Variants in LRRC7 observed in about 807,000 individuals in gnomAD.
The protein encoded by LRRC7 is leucine-rich repeat-containing protein 7.
Under a neutral mutation model 175.7 loss-of-function variants are expected in LRRC7, and 23 were observed. That is an observed-to-expected ratio of 0.13 (90% CI 0.09 to 0.19). The LOEUF (loss-of-function observed/expected upper bound fraction) is 0.19, where lower values mean the gene tolerates loss of function less well. LRRC7 is among the 10% of genes least tolerant of loss of function. LRRC7 has a pLI of 1.00. For missense variants in LRRC7, 1,354 were observed against 1,904.7 expected (o/e 0.71, Z 5.38); for synonymous variants, 685 against 680.9 (o/e 1.01, Z -0.09).
chr1:69,614,033 G>C (rs540912924), intron 1 of LRRC7, among the ~76,000 whole-genome samples: 11 of 149,728 alleles, frequency 7.3e-5, no homozygotes, highest in Admixed American at 2.6e-4. Context: ...TAAAGTTTCA[G>C]ACATTTGAAA....
chr1:69,918,579 T>G (rs1284239334), intron 7 of LRRC7, among the ~76,000 whole-genome samples: 1 of 152,094 alleles, frequency 6.6e-6, no homozygotes, highest in Non-Finnish European at 1.5e-5. Flanking sequence ...TAAAATCTTG[T>G]GGGTAAGTGA....
At chr1:69,891,957 C>G (rs1171260053) in intron 7 of LRRC7, among the ~76,000 whole-genome samples, 2 of 140,682 alleles carry the variant, frequency 1.4e-5, no homozygotes, top group African/African-American at 5.0e-5. Context: ...ATGACACGTG[C>G]CTGTATTCTC....
intron 4 of LRRC7, among the ~76,000 whole-genome samples, chr1:69,820,231 T>A (rs1045552271): frequency 6.6e-6 from 1 of 152,112 alleles, no homozygotes; most frequent in African/African-American, 2.4e-5. Flanking sequence ...GGCTACATTA[T>A]AACATAGGCT....
intron 7 of LRRC7, among the ~76,000 whole-genome samples, chr1:69,907,279 C>T (rs147956992): frequency 0.36 from 54,479 of 151,664 alleles, 11,923 homozygotes; most frequent in East Asian, 0.55. Flanking sequence ...TTGCCCTGGC[C>T]AGAATTTCCA....
intron 9 of LRRC7, 135 bp downstream of exon 9, chr1:69,980,588 C>G (rs1232967907): frequency 1.5e-6 from 1 of 646,946 alleles, no homozygotes; most frequent in Non-Finnish European, 2.5e-6. Flanking sequence ...GTTCAGTCAC[C>G]AAGTGTTTTC....
At position 69,630,962 on chromosome 1, in the gene LRRC7, T is replaced by G. The variant is rs536285113; in HGVS notation, c.3-47419T>G. On this transcript the variant is annotated intron_variant, in intron 1 of 26. Transcript: ENST00000651989. Reference sequence around the variant, plus strand: ...TCTTCTTTTTGGCTTTTGGGTTACATGCTTTAAAAATCACTCCTTTTGAGG... The same window carrying G: ...TCTTCTTTTTGGCTTTTGGGTTACAGGCTTTAAAAATCACTCCTTTTGAGG... Among the ~76,000 whole-genome samples the G allele has an allele frequency of 1.7e-3, 264 of 152,254 alleles. 1 individual carries two copies. Among genetic ancestry groups the G allele is most frequent in the African/African-American group, 6.1e-3 (252 of 41,568 alleles).
At chr1:69,817,021 A>G (rs1014886894) in intron 4 of LRRC7, among the ~76,000 whole-genome samples, 1 of 152,088 alleles carries the variant, frequency 6.6e-6, no homozygotes, top group Non-Finnish European at 1.5e-5. Flanking sequence ...CATATATACT[A>G]TGTGCATATA....
At chr1:69,962,003 C>T (rs1437047533) in intron 8 of LRRC7, among the ~76,000 whole-genome samples, 4 of 149,944 alleles carry the variant, frequency 2.7e-5, no homozygotes, top group Non-Finnish European at 4.4e-5. Context: ...TCTAATTAAA[C>T]TAAAGAGCTT....
At chr1:69,618,671 C>A (rs1650067983) in intron 1 of LRRC7, among the ~76,000 whole-genome samples, 1 of 152,094 alleles carries the variant, frequency 6.6e-6, no homozygotes, top group East Asian at 1.9e-4. Context: ...ATGAAACCTG[C>A]CAATTCTTGT....
intron 1 of LRRC7, among the ~76,000 whole-genome samples, chr1:69,595,280 C>T (rs543770901): frequency 5.5e-4 from 83 of 152,096 alleles, no homozygotes; most frequent in African/African-American, 1.9e-3. Flanking sequence ...ATTAGCCGGG[C>T]GTGGTGGCGG....
At chr1:70,099,777 GAAGCTGAGAGAAA>G (rs1664680802) in intron 25 of LRRC7, among the ~76,000 whole-genome samples, 1 of 152,030 alleles carries the variant, frequency 6.6e-6, no homozygotes, top group South Asian at 2.1e-4. Flanking sequence ...TGTTATTTGT[GAAGCTGAGAGAAA>G]AAGCCATTAG....
intron 13 of LRRC7, among the ~76,000 whole-genome samples, chr1:70,016,248 T>A (rs758127957): frequency 3.9e-5 from 6 of 152,178 alleles, no homozygotes; most frequent in Non-Finnish European, 7.3e-5. Context: ...TAACCATACA[T>A]GTTAAACATT....
At position 69,753,283 on chromosome 1, in the gene LRRC7, C is replaced by CGTGTGTGT. The variant is rs199915847; in HGVS notation, c.101-6903_101-6896dup. Among the ~76,000 whole-genome samples, 304 of 131,222 alleles carry CGTGTGTGT rather than the reference C, an allele frequency of 2.3e-3. 2 individuals are homozygous for CGTGTGTGT. Among genetic ancestry groups the CGTGTGTGT allele is most frequent in the East Asian group, 4.7e-3 (22 of 4,658 alleles). The allele number at this position is 131,222 out of a possible 152,430, so 86.1% of individuals were successfully genotyped here. A position where few individuals can be genotyped will look rare whatever the true frequency, so the allele number is the denominator to read the frequency against. ...AAGTATCCTTTACATAAATCATTGT[C>CGTGTGTGT]GTGTGTGTGTGTATGTGTGTGTGTG... On this transcript the variant is annotated intron_variant, in intron 2 of 26. Transcript: ENST00000651989.
intron 25 of LRRC7, among the ~76,000 whole-genome samples, chr1:70,091,223 A>G (rs1307962882): frequency 6.6e-6 from 1 of 152,202 alleles, no homozygotes; most frequent in African/African-American, 2.4e-5. Context: ...TACAATTAAA[A>G]TATTCATGGC....
intron 2 of LRRC7, among the ~76,000 whole-genome samples, chr1:69,724,404 T>G (rs990547895): frequency 2.0e-5 from 3 of 152,146 alleles, no homozygotes; most frequent in African/African-American, 7.2e-5. Context: ...ATATGGAATA[T>G]AAATGTGACA....
At chr1:69,907,977 G>T (rs1376550225) in intron 7 of LRRC7, among the ~76,000 whole-genome samples, 1 of 152,088 alleles carries the variant, frequency 6.6e-6, no homozygotes, top group Non-Finnish European at 1.5e-5. Flanking sequence ...ACTTCTTCCT[G>T]GTTTAGTCTT....
At chr1:69,678,976 G>C (rs1377380462) in intron 2 of LRRC7, among the ~76,000 whole-genome samples, 1 of 151,928 alleles carries the variant, frequency 6.6e-6, no homozygotes, top group Non-Finnish European at 1.5e-5. Flanking sequence ...GGAAACATTT[G>C]ATTTAATTGA....
intron 1 of LRRC7, among the ~76,000 whole-genome samples, chr1:69,661,159 A>G (rs1657409873): frequency 6.7e-6 from 1 of 149,680 alleles, no homozygotes; most frequent in Non-Finnish European, 1.5e-5. Context: ...AAAGTTTTAG[A>G]AAAAAAAGAA....
Position 70,135,790 on chromosome 1 carries a change from G to T in LRRC7, c.*13903G>T, listed in dbSNP as rs964538602. ...CTGTAATATTTGTCTATACTGTCTT[G>T]ATTGTTTTAAACCAGCCATCTTTGA... On this transcript the variant is annotated 3_prime_UTR_variant, in exon 27 of 27. Transcript: ENST00000651989. Among the ~76,000 whole-genome samples the T allele has an allele frequency of 1.6e-4, 24 of 152,112 alleles. No individual in the cohort carries two copies. The highest frequency in any genetic ancestry group is 5.1e-4 in the African/African-American group (21 of 41,406).
Sources: gnomAD v4.1 joint callset for allele counts (sites outside exome capture counted in the v4.1 genomes callset) on GRCh38, gnomAD v4.1.1 for gene constraint, MANE v1.5 for transcripts, NCBI Gene and HGNC (gene_info 2026-07-23, HGNC 2026-07-21) for gene names.